PWP1: variants seen among roughly 807,000 people sequenced by gnomAD.
PWP1 encodes periodic tryptophan protein 1 homolog.
A neutral mutation model predicts 69.9 loss-of-function variants in PWP1; 47 were observed. That is an observed-to-expected ratio of 0.67 (90% CI 0.53 to 0.86). The LOEUF is 0.86. Ranked by LOEUF, PWP1 falls within the 40% of genes least tolerant of loss-of-function variation. The pLI, the probability that PWP1 is intolerant of heterozygous loss-of-function variation, is 0.00. For missense variants in PWP1, 551 were observed against 608.8 expected, an observed-to-expected ratio of 0.91 and a Z score of 1.00; for synonymous variants, 222 against 208.2, an observed-to-expected ratio of 1.07 and a Z score of -0.57.
intron 10 of PWP1, 43 bp downstream of exon 10, chr12:107,703,789 C>A: frequency 6.6e-7 from 1 of 1,526,640 alleles, no homozygotes; most frequent in Non-Finnish European, 9.1e-7. Context: ...TGTTTTTATC[C>A]TCTAGAAGTC....
chr12:107,709,899 CTAG>C (rs1192727848), intron 13 of PWP1, among the ~76,000 whole-genome samples: 2 of 152,024 alleles, frequency 1.3e-5, no homozygotes, highest in African/African-American at 2.4e-5. Context: ...ACATTTAACT[CTAG>C]TAGATTATAT....
chr12:107,706,352 C>CA (rs1889823944), intron 11 of PWP1, among the ~76,000 whole-genome samples: 1 of 152,160 alleles, frequency 6.6e-6, no homozygotes, highest in South Asian at 2.1e-4. Context: ...GTTGCCTGTT[C>CA]ACTCTGATGG....
At chr12:107,699,931 G>A (rs950826031) in intron 8 of PWP1, among the ~76,000 whole-genome samples, 2 of 152,316 alleles carry the variant, frequency 1.3e-5, no homozygotes, top group South Asian at 4.1e-4. Context: ...TCACAGTTCT[G>A]TATGGCTGGG....
At position 107,712,149 on chromosome 12, in the gene PWP1, G is replaced by C. The variant is rs770541286; in HGVS notation, c.1435G>C (p.Gly479Arg). ...TGGAAGACGAGAGAGGCTTGTTCTTGGGAGTGCAAGAAATTCATCTATTAG... is the reference window on the plus strand; with the variant it reads ...TGGAAGACGAGAGAGGCTTGTTCTTCGGAGTGCAAGAAATTCATCTATTAG... Reference protein sequence around the residue: ...AFGRRERLVLGSARNSSISGP... With the variant: ...AFGRRERLVLRSARNSSISGP... The change falls in exon 15 of 15, where the codon GGG becomes CGG. Residue 479 changes from glycine (G) to arginine (R), a missense_variant. Physicochemically the swap from Gly to Arg is moderately radical, Grantham distance 125. Coordinates refer to ENST00000412830, the MANE Select transcript of PWP1 (RefSeq NM_007062.3). The C allele has an allele frequency of 2.5e-6, 4 of 1,613,928 alleles. No individual in the cohort carries two copies. The South Asian group carries it at 3.3e-5, about 13-fold the overall frequency.
intron 3 of PWP1, among the ~76,000 whole-genome samples, chr12:107,690,819 A>G (rs1449056121): frequency 2.6e-5 from 4 of 152,182 alleles, no homozygotes; most frequent in Non-Finnish European, 5.9e-5. Context: ...TGCCCTCTCC[A>G]CTTGTGTTCA....
chr12:107,686,182 A>G, intron 1 of PWP1: 1 of 604,320 alleles, frequency 1.7e-6, no homozygotes, highest in Non-Finnish European at 2.9e-6. Context: ...GCGCCTTCTC[A>G]CTGTTCCCAC....
chr12:107,687,563 T>C (rs1324385453), intron 1 of PWP1, among the ~76,000 whole-genome samples: 1 of 152,176 alleles, frequency 6.6e-6, no homozygotes, highest in Non-Finnish European at 1.5e-5. Flanking sequence ...GAAAAAGAGA[T>C]TGAATTTATG....
At chr12:107,702,206 A>G (rs540553942) in intron 8 of PWP1, among the ~76,000 whole-genome samples, 2 of 151,930 alleles carry the variant, frequency 1.3e-5, no homozygotes, top group African/African-American at 4.8e-5. Flanking sequence ...TATTTTGGCT[A>G]TTCTAGGTTC....
chr12:107,704,568 T>C, intron 10 of PWP1, 68 bp from the exon 11 acceptor site: 1 of 1,070,030 alleles, frequency 9.3e-7, no homozygotes, highest in Non-Finnish European at 1.4e-6. Flanking sequence ...TTATTACTAT[T>C]TCATTATAAA....
chr12:107,709,019 G>A lies in PWP1; in HGVS notation c.1168+3G>A, dbSNP rs760166971. On this transcript the variant is annotated splice_donor_region_variant and intron_variant, in intron 12 of 14. Coordinates refer to ENST00000412830, the MANE Select transcript of PWP1 (RefSeq NM_007062.3). ...TGCACACAATGATGAAATCTCTGGT[G>A]AGCAAGAGTAATGCTTCTTTCATTT... The A allele has an allele frequency of 3.1e-6, 5 of 1,613,744 alleles. No individual in the cohort carries two copies. The Admixed American group carries it at 5.0e-5, about 16-fold the overall frequency.
intron 6 of PWP1, 54 bp from the exon 7 acceptor site, chr12:107,697,413 A>T: frequency 6.6e-7 from 1 of 1,508,052 alleles, no homozygotes. Context: ...ATTTGATTAG[A>T]AGTTCTGTAT....
At chr12:107,697,930 T>C in intron 7 of PWP1, 1 of 376,668 alleles carries the variant, frequency 2.7e-6, no homozygotes, top group Non-Finnish European at 5.2e-6. Flanking sequence ...ATACCAACCT[T>C]GAACTTTAAA....
At chr12:107,696,327 C>T in intron 5 of PWP1, 147 bp from the exon 6 acceptor site, 1 of 1,255,634 alleles carries the variant, frequency 8.0e-7, no homozygotes, top group South Asian at 1.6e-5. Context: ...GCCACTGCGC[C>T]CAGCCTGGAA....
In PWP1 at chr12:107,709,032, GCTT is replaced by G. The variant is rs2136288459; in HGVS notation, c.1168+20_1168+22del. On this transcript the variant is annotated intron_variant, in intron 12 of 14. Transcript: ENST00000412830. The stretch of plus-strand genomic sequence containing the variant: ...GAAATCTCTGGTGAGCAAGAGTAAT[GCTT>G]CTTTCATTTTTCTTAACTTATGATG... 1.2e-6 allele frequency: 2 copies of G among 1,613,606 alleles called. No individual in the cohort carries two copies. Among genetic ancestry groups the G allele is most frequent in the Middle Eastern group, 1.7e-4 (1 of 6,056 alleles).
intron 8 of PWP1, among the ~76,000 whole-genome samples, chr12:107,701,905 G>A (rs748244591): frequency 3.0e-4 from 45 of 151,946 alleles, no homozygotes; most frequent in Admixed American, 9.2e-4. Context: ...CTCAAACTCC[G>A]GACCTCAAGT....
Position 107,704,763 on chromosome 12 carries a change from T to C in PWP1, c.1077+16T>C. The C allele has an allele frequency of 1.2e-6, 2 of 1,600,296 alleles. No homozygotes were observed. The highest frequency in any genetic ancestry group is 2.2e-5 in the South Asian group (2 of 90,680). The stretch of plus-strand genomic sequence containing the variant: ...TCATTTCTTGGTAAGAGTACGAATG[T>C]TGTTGTTTTGCTTTTCTAGGTTGCT... On this transcript the variant is annotated intron_variant, in intron 11 of 14. Coordinates refer to ENST00000412830, the MANE Select transcript of PWP1 (RefSeq NM_007062.3).
Position 107,685,884 on chromosome 12 carries a change from C to G in PWP1, c.-16C>G. The stretch of plus-strand genomic sequence containing the variant: ...CAGCCTGGTTTCTAGCGTGACACGC[C>G]CTTGACTTGAGGACCATGAACCGCA... On this transcript the variant is annotated 5_prime_UTR_variant, in exon 1 of 15. Coordinates refer to ENST00000412830, the MANE Select transcript of PWP1 (RefSeq NM_007062.3). 1 of 1,613,672 alleles carries G rather than the reference C, an allele frequency of 6.2e-7. No individual in the cohort carries two copies. Among genetic ancestry groups the G allele is most frequent in the Non-Finnish European group, 8.5e-7 (1 of 1,179,896 alleles).
Position 107,711,268 on chromosome 12 carries a change from T to C in PWP1, c.1396+758T>C, listed in dbSNP as rs931418901. Among the ~76,000 whole-genome samples, 3 of 152,344 alleles carry C rather than the reference T, an allele frequency of 2.0e-5. No homozygotes were observed. In the South Asian group the frequency reaches 6.2e-4, roughly 32 times the overall value. Reference sequence around the variant, plus strand: ...GCTTAAGAATGCCTTTAAGCAGTTTTCCACCTTGGGCAGGCCAGGCGTTCC... The same window carrying C: ...GCTTAAGAATGCCTTTAAGCAGTTTCCCACCTTGGGCAGGCCAGGCGTTCC... On this transcript the variant is annotated intron_variant, in intron 14 of 14. Transcript: ENST00000412830.
intron 5 of PWP1, among the ~76,000 whole-genome samples, chr12:107,694,594 A>G (rs906507411): frequency 6.6e-6 from 1 of 152,326 alleles, no homozygotes. Context: ...AACTCTTGAT[A>G]TCTTTGAACT....
Sources: gnomAD v4.1 joint callset for allele counts (sites outside exome capture counted in the v4.1 genomes callset) on GRCh38, gnomAD v4.1.1 for gene constraint, MANE v1.5 for transcripts, NCBI Gene and HGNC (gene_info 2026-07-23, HGNC 2026-07-21) for gene names.